Variants in PPTC7 observed in about 807,000 individuals in gnomAD.
PPTC7 encodes protein phosphatase targeting COQ7.
In PPTC7, 6 loss-of-function variants were observed where a neutral mutation model predicts 30.8. The observed-to-expected ratio is 0.19, with a 90% CI of 0.11 to 0.38. The LOEUF (loss-of-function observed/expected upper bound fraction) is 0.38. Ranked by LOEUF, PPTC7 falls within the 10% of genes least tolerant of loss-of-function variation. The pLI, the probability that PPTC7 is intolerant of heterozygous loss-of-function variation, is 1.00. For synonymous variants in PPTC7, 163 were observed against 168.1 expected, an observed-to-expected ratio of 0.97 and a Z score of 0.23; for missense variants, 218 against 404.8, an observed-to-expected ratio of 0.54 and a Z score of 3.96.
chr12:110,557,101 A>G (rs527341317), intron 1 of PPTC7, among the ~76,000 whole-genome samples: 6 of 152,328 alleles, frequency 3.9e-5, no homozygotes, highest in African/African-American at 7.2e-5. Context: ...CAAGAACTCT[A>G]AAGTTCTTTA....
Position 110,541,964 on chromosome 12 carries a change from G to A in PPTC7, c.603-2019C>T, listed in dbSNP as rs547061551. 1.5e-3 allele frequency among the ~76,000 whole-genome samples: 229 copies of A among 151,958 alleles called. 1 individual carries two copies. The highest frequency in any genetic ancestry group is 2.7e-3 in the Non-Finnish European group (182 of 67,984). The stretch of plus-strand genomic sequence containing the variant: ...AGTTCAAGACCAGCCTGGCCATCAT[G>A]GTGAAACCCCATCTCTGCTAAAAAT... On this transcript the variant is annotated intron_variant, in intron 3 of 5. Transcript: ENST00000354300.
In PPTC7 at chr12:110,560,181, T is replaced by C. The variant is rs374864701; in HGVS notation, c.224-8213A>G. Among the ~76,000 whole-genome samples the C allele has an allele frequency of 5.3e-5, 8 of 152,194 alleles. No homozygotes were observed. The East Asian group carries it at 1.5e-3, about 29-fold the overall frequency. On this transcript the variant is annotated intron_variant, in intron 1 of 5. Transcript: ENST00000354300. ...TTGGGAGGCTGAGGTAGGAGGATTG[T>C]TTGAGCCAAGGAATTCGAGACCAGC...
chr12:110,560,549 C>T (rs1373576992), intron 1 of PPTC7, among the ~76,000 whole-genome samples: 2 of 152,120 alleles, frequency 1.3e-5, no homozygotes, highest in Admixed American at 1.3e-4. Context: ...TCAGCAAGAG[C>T]GTCTCCAGTC....
chr12:110,562,906 G>A (rs189834329), intron 1 of PPTC7, among the ~76,000 whole-genome samples: 2 of 151,710 alleles, frequency 1.3e-5, no homozygotes, highest in Admixed American at 1.3e-4. Context: ...TGGATCACCT[G>A]AGGTCAGGAG....
chr12:110,570,973 C>T (rs1476735085), intron 1 of PPTC7, among the ~76,000 whole-genome samples: 1 of 152,272 alleles, frequency 6.6e-6, no homozygotes, highest in Non-Finnish European at 1.5e-5. Context: ...ACGAGAAACA[C>T]CCACAGGTGT....
Position 110,580,892 on chromosome 12 carries a change from T to C in PPTC7, c.223+1917A>G, listed in dbSNP as rs565597067. 7.2e-5 allele frequency among the ~76,000 whole-genome samples: 11 copies of C among 152,178 alleles called. No homozygotes were observed. In the South Asian group the frequency reaches 8.3e-4, roughly 11 times the overall value. On this transcript the variant is annotated intron_variant, in intron 1 of 5. Transcript: ENST00000354300. ...TCAGCCTGTTGAGTAGCTGGGACTA[T>C]AGGCATGCGCCATCACGCCCGGCTA...
intron 1 of PPTC7, among the ~76,000 whole-genome samples, chr12:110,552,918 T>TG (rs2064359547): frequency 6.6e-6 from 1 of 151,798 alleles, no homozygotes; most frequent in African/African-American, 2.4e-5. Context: ...AAACTTAGTA[T>TG]GAAAAAAAGT....
At chr12:110,577,953 G>T (rs985498592) in intron 1 of PPTC7, among the ~76,000 whole-genome samples, 3 of 152,128 alleles carry the variant, frequency 2.0e-5, no homozygotes, top group Non-Finnish European at 4.4e-5. Context: ...AAGCACAAAA[G>T]TATCAGGAGA....
intron 1 of PPTC7, among the ~76,000 whole-genome samples, chr12:110,573,782 G>A (rs2064560566): frequency 6.6e-6 from 1 of 151,998 alleles, no homozygotes; most frequent in Non-Finnish European, 1.5e-5. Context: ...GGGAGTTCAA[G>A]ACCAGCCTGA....
At chr12:110,576,324 T>C (rs1246472473) in intron 1 of PPTC7, among the ~76,000 whole-genome samples, 2 of 152,054 alleles carry the variant, frequency 1.3e-5, no homozygotes, top group Non-Finnish European at 2.9e-5. Flanking sequence ...ACAGCTATAT[T>C]CCTCACAAAG....
chr12:110,556,473 A>G (rs532966709), intron 1 of PPTC7, among the ~76,000 whole-genome samples: 1 of 152,360 alleles, frequency 6.6e-6, no homozygotes, highest in African/African-American at 2.4e-5. Flanking sequence ...ACAGAAATTA[A>G]TATGTCCTCT....
intron 2 of PPTC7, among the ~76,000 whole-genome samples, chr12:110,548,830 C>T (rs1270449134): frequency 6.6e-6 from 1 of 152,100 alleles, no homozygotes; most frequent in African/African-American, 2.4e-5. Flanking sequence ...AAGTATAAGC[C>T]CAGCCTTACA....
At chr12:110,551,998 G>T in intron 1 of PPTC7, 30 bp from the exon 2 acceptor site, 1 of 1,577,428 alleles carries the variant, frequency 6.3e-7, no homozygotes, top group African/African-American at 1.4e-5. Flanking sequence ...TACAGTAAAA[G>T]AACAATCTTA....
chr12:110,582,780 G>A (rs1007838937), intron 1 of PPTC7, 29 bp downstream of exon 1: 4 of 1,517,782 alleles, frequency 2.6e-6, no homozygotes, highest in African/African-American at 2.8e-5. Flanking sequence ...ATCCGAGGCT[G>A]GGGCAAGGGA....
intron 1 of PPTC7, among the ~76,000 whole-genome samples, chr12:110,561,614 G>T (rs755472961): frequency 6.6e-6 from 1 of 152,072 alleles, no homozygotes; most frequent in African/African-American, 2.4e-5. Context: ...ATGAGCAACC[G>T]CATCCAGCCT....
intron 1 of PPTC7, among the ~76,000 whole-genome samples, chr12:110,565,319 T>C (rs1001131296): frequency 4.0e-5 from 6 of 151,656 alleles, no homozygotes; most frequent in Non-Finnish European, 8.8e-5. Flanking sequence ...TGCAGTGGCA[T>C]GAACTTGGCT....
At chr12:110,570,070 CTG>C (rs1188315981) in intron 1 of PPTC7, among the ~76,000 whole-genome samples, 2 of 152,106 alleles carry the variant, frequency 1.3e-5, no homozygotes, top group Non-Finnish European at 2.9e-5. Context: ...CAGATTGTTA[CTG>C]TGTCTGTGTA....
At chr12:110,558,807 C>A (rs548017091) in intron 1 of PPTC7, among the ~76,000 whole-genome samples, 1 of 152,118 alleles carries the variant, frequency 6.6e-6, no homozygotes, top group African/African-American at 2.4e-5. Context: ...GGGGTTTCAC[C>A]GTGTTGGCCA....
chr12:110,543,163 A>G (rs1158494041), intron 3 of PPTC7, among the ~76,000 whole-genome samples: 3 of 152,234 alleles, frequency 2.0e-5, no homozygotes, highest in Non-Finnish European at 4.4e-5. Flanking sequence ...GTGAAGAGAA[A>G]GCATAAAAAC....
Sources: gnomAD v4.1 joint callset for allele counts (sites outside exome capture counted in the v4.1 genomes callset) on GRCh38, gnomAD v4.1.1 for gene constraint, MANE v1.5 for transcripts, NCBI Gene and HGNC (gene_info 2026-07-23, HGNC 2026-07-21) for gene names.